Variants in SYNE1 observed in about 807,000 individuals in gnomAD.
SYNE1 encodes spectrin repeat containing nuclear envelope protein 1.
SYNE1 carries 616 observed loss-of-function variants against 1,111.0 expected under a neutral mutation model. The ratio of observed to expected loss-of-function variants is 0.55; its 90% confidence interval spans 0.52 to 0.59. The LOEUF is 0.59. Among genes scored for constraint, SYNE1 ranks in the 20% least tolerant of loss-of-function variants. SYNE1 has a pLI of 0.00. For synonymous variants in SYNE1, 3,855 were observed against 3,825.8 expected, an observed-to-expected ratio of 1.01 and a Z score of -0.28; for missense variants, 10,006 against 10,417.0, an observed-to-expected ratio of 0.96 and a Z score of 1.72.
chr6:152,232,642 T>C (rs1035152118), intron 112 of SYNE1, among the ~76,000 whole-genome samples: 1 of 152,206 alleles, frequency 6.6e-6, no homozygotes, highest in Non-Finnish European at 1.5e-5. Context: ...CTGCATATTA[T>C]GACTCAGGAA....
At chr6:152,277,514 C>T (rs2093730384) in intron 98 of SYNE1, 1 of 154,090 alleles carries the variant, frequency 6.5e-6, no homozygotes, top group South Asian at 2.0e-4. Context: ...TCTCGAACTC[C>T]TGACCTCAAG....
chr6:152,258,965 GA>G (rs1403650261), intron 101 of SYNE1, among the ~76,000 whole-genome samples: 5 of 151,944 alleles, frequency 3.3e-5, no homozygotes, highest in African/African-American at 1.2e-4. Flanking sequence ...GGCTGGTCTT[GA>G]ACTCCTGACC....
At chr6:152,629,035 T>TA (rs2099692171) in intron 2 of SYNE1, among the ~76,000 whole-genome samples, 1 of 152,216 alleles carries the variant, frequency 6.6e-6, no homozygotes, top group South Asian at 2.1e-4. Flanking sequence ...AGTATAAATG[T>TA]AAAAACCATT....
At chr6:152,135,976 C>A (rs1251008027) in intron 141 of SYNE1, among the ~76,000 whole-genome samples, 2 of 152,196 alleles carry the variant, frequency 1.3e-5, no homozygotes, top group Non-Finnish European at 2.9e-5. Context: ...TCCTTTCCTG[C>A]TTCTGGGACT....
At chr6:152,458,705 T>C (rs377128557) in intron 22 of SYNE1, 52 bp downstream of exon 22, 1 of 1,585,062 alleles carries the variant, frequency 6.3e-7, no homozygotes, top group African/African-American at 1.3e-5. Flanking sequence ...AACACCCTGG[T>C]CTTGTTACAC....
intron 30 of SYNE1, 23 bp from the exon 31 acceptor site, chr6:152,442,268 T>A: frequency 6.2e-7 from 1 of 1,611,122 alleles, no homozygotes; most frequent in Non-Finnish European, 8.5e-7. Context: ...ATTCAACAGA[T>A]GGATATAAAT....
intron 93 of SYNE1, among the ~76,000 whole-genome samples, chr6:152,298,146 C>T (rs1405613059): frequency 1.3e-5 from 2 of 152,146 alleles, no homozygotes; most frequent in Non-Finnish European, 2.9e-5. Context: ...AGCACTTTCA[C>T]GATTCATGTC....
At chr6:152,166,385 T>C (rs1394393291) in intron 130 of SYNE1, among the ~76,000 whole-genome samples, 1 of 152,242 alleles carries the variant, frequency 6.6e-6, no homozygotes, top group Non-Finnish European at 1.5e-5. Context: ...AAATTTTTAT[T>C]TGATATTAAG....
In SYNE1 at chr6:152,336,903, T is replaced by A. The variant is rs1339864208; in HGVS notation, c.12466A>T (p.Met4156Leu). The A allele has an allele frequency of 6.8e-6, 11 of 1,614,190 alleles. No homozygotes were observed. The highest frequency in any genetic ancestry group is 9.3e-6 in the Non-Finnish European group (11 of 1,180,040). Reference sequence around the variant, plus strand: ...TCCAGCTCAGAGTGCCTCCTCTTCATGTTCTGCAGTTGCTGATCAGCATCT... The same window carrying A: ...TCCAGCTCAGAGTGCCTCCTCTTCAAGTTCTGCAGTTGCTGATCAGCATCT... ...LQDADQQLQNMKRRHSELELN... is the reference protein window; with the variant it reads ...LQDADQQLQNLKRRHSELELN... The change falls in exon 76 of 146, where the codon ATG becomes TTG. Residue 4156 changes from methionine to leucine, a missense_variant. Physicochemically the swap from Met to Leu is conservative, Grantham distance 15 (BLOSUM62 2). This residue lies in a region of SYNE1 where 4,955 missense variants were observed against 5,017.2 expected (regional missense o/e 0.99). Transcript: ENST00000367255.
At chr6:152,130,818 C>A in intron 144 of SYNE1, 40 bp from the exon 145 acceptor site, 1 of 1,605,022 alleles carries the variant, frequency 6.2e-7, no homozygotes, top group Non-Finnish European at 8.5e-7. Flanking sequence ...GAAGAATGTT[C>A]AGTCCAGGCA....
intron 55 of SYNE1, among the ~76,000 whole-genome samples, chr6:152,384,421 G>A (rs561256726): frequency 1.6e-4 from 24 of 152,158 alleles, no homozygotes; most frequent in Non-Finnish European, 3.2e-4. Flanking sequence ...TGGAAGGATG[G>A]ATGAATAAAT....
chr6:152,465,909 G>A, intron 17 of SYNE1, 73 bp downstream of exon 17: 1 of 1,089,434 alleles, frequency 9.2e-7, no homozygotes, highest in South Asian at 1.3e-5. Context: ...AGAATGATCT[G>A]ATCAGATAGA....
chr6:152,135,282 T>A, intron 141 of SYNE1, 50 bp from the exon 142 acceptor site: 1 of 1,581,470 alleles, frequency 6.3e-7, no homozygotes, highest in Non-Finnish European at 8.6e-7. Flanking sequence ...TTTATTTCTC[T>A]CAAAACTTAA....
At chr6:152,606,973 G>GTT (rs2099616874) in intron 3 of SYNE1, among the ~76,000 whole-genome samples, 5 of 126,396 alleles carry the variant, frequency 4.0e-5, no homozygotes, top group Admixed American at 8.5e-5. Context: ...GCATGCCTCG[G>GTT]TTCTCTTTTT....
In SYNE1 at chr6:152,558,421, T is replaced by C. The variant is rs138645031; in HGVS notation, c.68-18400A>G. Among the ~76,000 whole-genome samples, 16 of 152,256 alleles carry C rather than the reference T, an allele frequency of 1.1e-4. No homozygotes were observed. In the East Asian group the frequency reaches 1.9e-3, roughly 18 times the overall value. ...GCCAAATGGATTAAAAAGTATAAGA[T>C]CAAACTATATGCTGCCTACAAGAGA... On this transcript the variant is annotated intron_variant, in intron 3 of 145. Transcript: ENST00000367255.
chr6:152,401,383 G>C (rs772677501), intron 46 of SYNE1, 42 bp from the exon 47 acceptor site: 1 of 1,573,282 alleles, frequency 6.4e-7, no homozygotes, highest in Non-Finnish European at 8.7e-7. Flanking sequence ...CTGAAGACCA[G>C]AAGAATACTC....
chr6:152,465,862 C>T (rs2098763020), intron 17 of SYNE1, 120 bp downstream of exon 17: 1 of 740,860 alleles, frequency 1.3e-6, no homozygotes, highest in Non-Finnish European at 2.4e-6. Context: ...GTTCTCCTGG[C>T]CAATGGCAAG....
chr6:152,202,601 G>C (rs77483076), intron 126 of SYNE1, among the ~76,000 whole-genome samples: 3,565 of 152,154 alleles, frequency 0.023, 126 homozygotes, highest in Non-Finnish European at 0.026. Flanking sequence ...AGGAAGCAAT[G>C]AGTGTCAAGG....
chr6:152,550,651 G>A (rs1374316405), intron 3 of SYNE1, among the ~76,000 whole-genome samples: 1 of 151,616 alleles, frequency 6.6e-6, no homozygotes, highest in Non-Finnish European at 1.5e-5. Flanking sequence ...TAATTTGGTA[G>A]CAAAAAATTG....
Sources: allele counts gnomAD v4.1 joint callset (sites outside exome capture counted in the v4.1 genomes callset), GRCh38; gene constraint gnomAD v4.1.1; regional missense constraint gnomAD v4.1.1; transcripts MANE v1.5; gene names NCBI Gene and HGNC (gene_info 2026-07-23, HGNC 2026-07-21).